Variants in SPECC1 observed in about 807,000 individuals in gnomAD.
SPECC1 encodes cytospin-B.
In SPECC1, 62 loss-of-function variants were observed where a neutral mutation model predicts 104.1. The ratio of observed to expected loss-of-function variants is 0.60; its 90% CI spans 0.49 to 0.74. The LOEUF is 0.74. Among genes scored for constraint, SPECC1 ranks in the 30% least tolerant of loss-of-function variants. The probability of loss-of-function intolerance (pLI) is 0.00; values close to 1 mark genes in which losing one functional copy is unlikely to be tolerated. For synonymous variants in SPECC1, 513 were observed against 501.6 expected, an observed-to-expected ratio of 1.02 and a Z score of -0.30; for missense variants, 1,306 against 1,310.5, an observed-to-expected ratio of 1.00 and a Z score of 0.05.
Position 20,156,020 on chromosome 17 carries a change from C to G in SPECC1, c.283+45458C>G, listed in dbSNP as rs1345582554. ...GATGAGGGGGCGGGGCCCACGGGCG[C>G]GGGAGAGCAGCGGCTCCGCCGGCAG... is the stretch of plus-strand genomic sequence containing the variant. On this transcript the variant is annotated intron_variant, in intron 3 of 14. Transcript: ENST00000395527. The G allele has an allele frequency of 3.1e-6, 4 of 1,286,928 alleles. No individual in the cohort carries two copies. In the African/African-American group the frequency reaches 6.2e-5, roughly 20 times the overall value. The allele number at this position is 1,286,928 out of a possible 1,614,324, so 79.7% of individuals were successfully genotyped here. A position where few individuals can be genotyped will look rare whatever the true frequency, so the allele number is the denominator to read the frequency against.
At chr17:20,305,475 A>G (rs2041732297) in intron 13 of SPECC1, among the ~76,000 whole-genome samples, 2 of 152,168 alleles carry the variant, frequency 1.3e-5, no homozygotes, top group Admixed American at 6.5e-5. Flanking sequence ...CTGAGTCCTC[A>G]TATGTCCTGG....
intron 13 of SPECC1, among the ~76,000 whole-genome samples, chr17:20,298,976 T>TGTGTGTGTGTGTGTGTGG (rs1387019978): frequency 2.6e-5 from 2 of 77,372 alleles, no homozygotes; most frequent in Admixed American, 1.3e-4. Flanking sequence ...TGTGTGTATG[T>TGTGTGTGTGTGTGTGTGG]AGAGAGAGAG....
chr17:20,046,404 A>T (rs1241363394), intron 1 of SPECC1, among the ~76,000 whole-genome samples: 1 of 152,186 alleles, frequency 6.6e-6, no homozygotes, highest in Non-Finnish European at 1.5e-5. Flanking sequence ...TGGAACTGGT[A>T]CTACTGCTAG....
chr17:20,097,353 T>G (rs2047701227), intron 2 of SPECC1, among the ~76,000 whole-genome samples: 1 of 152,234 alleles, frequency 6.6e-6, no homozygotes, highest in Non-Finnish European at 1.5e-5. Flanking sequence ...CAAAGCCTAG[T>G]GCCTCCTTAG....
At chr17:20,173,445 G>T (rs1365168687) in intron 3 of SPECC1, among the ~76,000 whole-genome samples, 1 of 152,330 alleles carries the variant, frequency 6.6e-6, no homozygotes, top group Middle Eastern at 3.4e-3. Flanking sequence ...GTGCTGGAAA[G>T]CTAAATTTAG....
At chr17:20,044,858 A>C (rs1244865395) in intron 1 of SPECC1, among the ~76,000 whole-genome samples, 1 of 152,244 alleles carries the variant, frequency 6.6e-6, no homozygotes, top group Non-Finnish European at 1.5e-5. Flanking sequence ...GATAGAACCT[A>C]AAAGGAAAGA....
intron 1 of SPECC1, among the ~76,000 whole-genome samples, chr17:20,092,894 T>TTTGG (rs1170976710): frequency 6.6e-6 from 1 of 152,218 alleles, no homozygotes; most frequent in African/African-American, 2.4e-5. Context: ...ATTTGATCTA[T>TTTGG]AGCCTTGGTG....
chr17:20,299,555 CAAA>C (rs57493380), intron 13 of SPECC1, among the ~76,000 whole-genome samples: 4 of 40,370 alleles, frequency 9.9e-5, no homozygotes, highest in South Asian at 1.9e-3. Flanking sequence ...GACCCTGTCT[CAAA>C]AAAAAAAAAA....
chr17:20,081,300 G>T (rs2046964581), intron 1 of SPECC1, among the ~76,000 whole-genome samples: 1 of 152,142 alleles, frequency 6.6e-6, no homozygotes, highest in South Asian at 2.1e-4. Context: ...GATACAGGAG[G>T]TGCTTCCAGA....
chr17:20,038,571 T>G (rs1271454219), intron 1 of SPECC1, among the ~76,000 whole-genome samples: 3 of 152,128 alleles, frequency 2.0e-5, no homozygotes, highest in Non-Finnish European at 4.4e-5. Flanking sequence ...GGCTACTTTT[T>G]GTAGTTTTTT....
chr17:20,020,705 A>G (rs1046370616), intron 1 of SPECC1, among the ~76,000 whole-genome samples: 3 of 152,196 alleles, frequency 2.0e-5, no homozygotes, highest in African/African-American at 4.8e-5. Flanking sequence ...GCCCTTTATC[A>G]TCACTGGCCC....
intron 3 of SPECC1, chr17:20,112,044 A>T (rs1376419621): frequency 1.3e-6 from 1 of 768,426 alleles, no homozygotes; most frequent in African/African-American, 1.7e-5. Context: ...ATTGATCCTG[A>T]CAGATTCTAA....
chr17:20,231,159 T>C (rs2038548998), intron 5 of SPECC1, among the ~76,000 whole-genome samples: 1 of 152,180 alleles, frequency 6.6e-6, no homozygotes, highest in African/African-American at 2.4e-5. Flanking sequence ...GGCAACCACC[T>C]GGGAAGATGT....
chr17:20,104,762 A>G (rs1007167247), intron 2 of SPECC1, among the ~76,000 whole-genome samples: 92 of 145,168 alleles, frequency 6.3e-4, no homozygotes, highest in African/African-American at 1.8e-3. Context: ...AAAAAAAAAA[A>G]AAAAGAAAAA....
intron 3 of SPECC1, chr17:20,111,799 C>G (rs1033398377): frequency 1.3e-6 from 1 of 765,074 alleles, no homozygotes; most frequent in Non-Finnish European, 2.3e-6. Context: ...GTGGCTCACT[C>G]AGGACCCAGG....
chr17:20,124,136 T>C (rs1363816185), intron 3 of SPECC1, among the ~76,000 whole-genome samples: 1 of 150,226 alleles, frequency 6.7e-6, no homozygotes, highest in Non-Finnish European at 1.5e-5. Context: ...TGTCAGGGAA[T>C]GGGGAGAATG....
At chr17:20,128,619 C>G (rs924316861) in intron 3 of SPECC1, among the ~76,000 whole-genome samples, 1 of 152,018 alleles carries the variant, frequency 6.6e-6, no homozygotes, top group African/African-American at 2.4e-5. Flanking sequence ...GGTAGCTTGT[C>G]GATCTAATGA....
Position 20,227,558 on chromosome 17 carries a change from A to T in SPECC1, c.2009A>T (p.Asp670Val), listed in dbSNP as rs778312060. The change falls in exon 5 of 15, where the codon GAT becomes GTT. Residue 670 changes from aspartate to valine, a missense_variant. This residue lies in a region of SPECC1 where 1,177 missense variants were observed against 1,139.9 expected (regional missense o/e 1.03). Transcript: ENST00000395527. ...DMKETIFELE[D>V]QVEQHRAVKL... ...AAAGAAACCATATTTGAATTGGAAG[A>T]TCAGGTGGAACAGCACCGGGCTGTC... 6.8e-6 allele frequency: 11 copies of T among 1,612,506 alleles called. No homozygotes were observed. Among genetic ancestry groups the T allele is most frequent in the Non-Finnish European group, 9.3e-6 (11 of 1,179,688 alleles).
intron 4 of SPECC1, among the ~76,000 whole-genome samples, chr17:20,220,264 G>A (rs948541381): frequency 1.3e-5 from 2 of 152,124 alleles, no homozygotes; most frequent in Non-Finnish European, 2.9e-5. Flanking sequence ...GCTTTGGGTA[G>A]TGTGGACATT....
Sources: gnomAD v4.1 joint callset for allele counts (sites outside exome capture counted in the v4.1 genomes callset) on GRCh38, gnomAD v4.1.1 for gene constraint, gnomAD v4.1.1 regional missense constraint, MANE v1.5 for transcripts, NCBI Gene and HGNC (gene_info 2026-07-23, HGNC 2026-07-21) for gene names.